Variants in GSE1 observed in about 807,000 individuals in gnomAD.
GSE1 encodes genetic suppressor element 1.
In GSE1, 32 loss-of-function variants were observed where a neutral mutation model predicts 112.6. The ratio of observed to expected loss-of-function variants is 0.28; its 90% CI spans 0.21 to 0.38. The LOEUF (loss-of-function observed/expected upper bound fraction) is 0.38. GSE1 is among the 10% of genes least tolerant of loss of function. The pLI, the probability that GSE1 is intolerant of heterozygous loss-of-function variation, is 1.00. For synonymous variants in GSE1, 1,115 were observed against 735.6 expected (o/e 1.52, Z -8.35); for missense variants, 2,348 against 1,699.2 (o/e 1.38, Z -6.71).
chr16:85,408,835 G>T lies in GSE1; in HGVS notation c.2464+51192G>T, dbSNP rs553024335. ...CAGGGCCCCCCGGATAATCCTCACT[G>T]TTACACTCAGGCCCCCCTGGATAAT... is the stretch of plus-strand genomic sequence containing the variant. On this transcript the variant is annotated intron_variant, in intron 2 of 2. Transcript: ENST00000637419. 3.3e-3 allele frequency among the ~76,000 whole-genome samples: 175 copies of T among 52,398 alleles called. 7 individuals carry two copies. The highest frequency in any genetic ancestry group is 0.016 in the African/African-American group (165 of 10,336). The allele number at this position is 52,398 out of a possible 152,430, so 34.4% of individuals were successfully genotyped here.
chr16:85,591,644 C>T (rs1338298101), intron 1 of GSE1, among the ~76,000 whole-genome samples: 1 of 152,248 alleles, frequency 6.6e-6, no homozygotes, highest in African/African-American at 2.4e-5. Flanking sequence ...GCTGGGGGCT[C>T]CTGGCTGCAG....
chr16:85,654,953 C>T lies in GSE1; in HGVS notation c.759C>T (p.Ser253=), dbSNP rs772209618. Residue 253 remains serine (S), a synonymous_variant, in exon 5 of 16, where the codon AGC becomes AGT. Transcript: ENST00000253458. ...PATAAAYYHP[S]YLAPHPFPHP... ...CTGCTGCAGCCTACTACCACCCCAG[C>T]TACCTGGCCCCACACCCCTTCCCCC... is the stretch of plus-strand genomic sequence containing the variant. The T allele has an allele frequency of 6.2e-6, 10 of 1,608,728 alleles. No homozygotes were observed. In the South Asian group the frequency reaches 1.1e-4, roughly 18 times the overall value.
intron 1 of GSE1, among the ~76,000 whole-genome samples, chr16:85,295,964 C>T (rs2045355255): frequency 6.6e-6 from 1 of 152,016 alleles, no homozygotes; most frequent in Admixed American, 6.6e-5. Flanking sequence ...GAAGGGCGAC[C>T]GTCACTGCTG....
intron 3 of GSE1, among the ~76,000 whole-genome samples, chr16:85,650,099 G>T (rs744255): frequency 0.64 from 97,389 of 152,124 alleles, 31,537 homozygotes; most frequent in East Asian, 0.83. Flanking sequence ...GAAGCCTCTC[G>T]TAGTTTGACT....
At chr16:85,568,924 C>T (rs921673492) in intron 1 of GSE1, among the ~76,000 whole-genome samples, 9 of 152,198 alleles carry the variant, frequency 5.9e-5, no homozygotes, top group African/African-American at 1.9e-4. Context: ...TCTGCCTCTA[C>T]TCCCCTCTTA....
chr16:85,418,752 C>G (rs980759456), intron 2 of GSE1, among the ~76,000 whole-genome samples: 2 of 152,186 alleles, frequency 1.3e-5, no homozygotes, highest in African/African-American at 4.8e-5. Flanking sequence ...AGCCGGCAAG[C>G]AGGGAGCCAC....
chr16:85,253,807 CT>C (rs1204303438), intron 1 of GSE1, among the ~76,000 whole-genome samples: 1 of 150,352 alleles, frequency 6.7e-6, no homozygotes, highest in South Asian at 2.1e-4. Flanking sequence ...GGAGGCTGCT[CT>C]TGGCAGTGAG....
intron 2 of GSE1, among the ~76,000 whole-genome samples, chr16:85,508,093 G>A (rs1373504697): frequency 2.6e-5 from 4 of 152,178 alleles, no homozygotes; most frequent in Non-Finnish European, 4.4e-5. Context: ...GGGGTGGAGT[G>A]ACTCGATCTC....
intron 1 of GSE1, among the ~76,000 whole-genome samples, chr16:85,233,085 C>T (rs528069712): frequency 2.0e-4 from 31 of 152,382 alleles, no homozygotes; most frequent in African/African-American, 7.5e-4. Context: ...TGGCTCCAAA[C>T]AGGCCCCCCA....
chr16:85,655,106 C>G (rs2051806535), intron 5 of GSE1, 115 bp downstream of exon 5: 2 of 720,724 alleles, frequency 2.8e-6, no homozygotes, highest in Non-Finnish European at 4.8e-6. Context: ...AGGGGAGGGT[C>G]TAGAGTAGCC....
chr16:85,187,589 G>C (rs1052904629), intron 1 of GSE1, among the ~76,000 whole-genome samples: 8 of 152,238 alleles, frequency 5.3e-5, no homozygotes, highest in Admixed American at 1.3e-4. Flanking sequence ...CAGGCTTCAG[G>C]AACAGTCGTG....
At chr16:85,210,137 C>T (rs994825865) in intron 1 of GSE1, among the ~76,000 whole-genome samples, 3 of 152,186 alleles carry the variant, frequency 2.0e-5, no homozygotes, top group Non-Finnish European at 4.4e-5. Flanking sequence ...TCGTATTCGT[C>T]TTTACTGAAA....
intron 2 of GSE1, among the ~76,000 whole-genome samples, chr16:85,469,609 C>A (rs1031842375): frequency 6.6e-6 from 1 of 152,202 alleles, no homozygotes; most frequent in Non-Finnish European, 1.5e-5. Context: ...GTTAAAAATT[C>A]TGTCTAGTGT....
intron 1 of GSE1, among the ~76,000 whole-genome samples, chr16:85,191,719 T>G (rs1449017594): frequency 6.6e-6 from 1 of 152,148 alleles, no homozygotes; most frequent in African/African-American, 2.4e-5. Flanking sequence ...GGGCTCCGAG[T>G]AGAGGCCGGA....
chr16:85,271,966 G>A (rs1174449506), intron 1 of GSE1, among the ~76,000 whole-genome samples: 3 of 152,226 alleles, frequency 2.0e-5, no homozygotes, highest in Non-Finnish European at 4.4e-5. Context: ...TCTGCAGGAC[G>A]CCTTTCTGCA....
At chr16:85,379,142 G>A (rs2047489164) in intron 2 of GSE1, among the ~76,000 whole-genome samples, 2 of 152,178 alleles carry the variant, frequency 1.3e-5, no homozygotes, top group South Asian at 4.1e-4. Flanking sequence ...GACTTCCGGG[G>A]CCCGGCCTAC....
intron 1 of GSE1, among the ~76,000 whole-genome samples, chr16:85,353,658 C>T (rs901024107): frequency 3.4e-5 from 5 of 147,006 alleles, no homozygotes; most frequent in African/African-American, 1.4e-4. Flanking sequence ...ACAAGCAAGA[C>T]CCTGTCTCTT....
intron 2 of GSE1, among the ~76,000 whole-genome samples, chr16:85,441,688 G>C (rs569072917): frequency 1.3e-5 from 2 of 152,258 alleles, no homozygotes; most frequent in East Asian, 3.9e-4. Context: ...TAGGACATTT[G>C]AGCTGGGTCT....
intron 1 of GSE1, among the ~76,000 whole-genome samples, chr16:85,196,495 G>A (rs192550753): frequency 6.6e-6 from 1 of 152,232 alleles, no homozygotes; most frequent in Admixed American, 6.5e-5. Flanking sequence ...TAATTTGAGA[G>A]AGAAAGAGAA....
Sources: allele counts gnomAD v4.1 joint callset (sites outside exome capture counted in the v4.1 genomes callset), GRCh38; gene constraint gnomAD v4.1.1; transcripts MANE v1.5; gene names NCBI Gene and HGNC (gene_info 2026-07-23, HGNC 2026-07-21).